The following SLC35D3 variants were observed in gnomAD, a reference collection of about 807,000 sequenced individuals.
SLC35D3 encodes frc, fringe-like 1.
A neutral mutation model predicts 20.3 loss-of-function variants in SLC35D3; 18 were observed. The observed-to-expected ratio is 0.89, with a 90% CI of 0.61 to 1.32. The LOEUF (loss-of-function observed/expected upper bound fraction) is 1.32, where lower values mean the gene tolerates loss of function less well. SLC35D3 is among the 40% of genes most tolerant of loss of function. SLC35D3 has a pLI of 0.00. For synonymous variants in SLC35D3, 313 were observed against 263.5 expected (o/e 1.19, Z -1.82); for missense variants, 556 against 565.5 (o/e 0.98, Z 0.17).
In SLC35D3 at chr6:136,924,359, C is replaced by T. The variant is rs776588205; in HGVS notation, c.914C>T (p.Thr305Ile). ...IIYCVAKFME[T>I]RKQSNYEDLE... ...TACTGTGTGGCCAAGTTCATGGAGA[C>T]CAGAAAGCAAAGCAACTACGAGGAC... The change falls in exon 2 of 2, where the codon ACC (threonine) becomes ATC (isoleucine). Residue 305 changes from threonine to isoleucine, a missense_variant. Transcript: ENST00000331858. 4 of 1,613,964 alleles carry T rather than the reference C, an allele frequency of 2.5e-6. No homozygotes were observed. Among genetic ancestry groups the T allele is most frequent in the Non-Finnish European group, 3.4e-6 (4 of 1,180,040 alleles).
chr6:136,923,122 G>T lies in SLC35D3; in HGVS notation c.439+255G>T, dbSNP rs1231089102. ...CCGACCCTCGCCCATGCTTCACCCG[G>T]CATCGCCCTTCCTGTCGCCCCCTCT... On this transcript the variant is annotated intron_variant, in intron 1 of 1. Transcript: ENST00000331858. The surrounding 1 kb of genome is among the most constrained non-coding windows in gnomAD (Gnocchi z 6.2). Among the ~76,000 whole-genome samples, 2 of 152,118 alleles carry T rather than the reference G, an allele frequency of 1.3e-5. No homozygotes were observed. The highest frequency in any genetic ancestry group is 4.8e-5 in the African/African-American group (2 of 41,424).
Position 136,923,936 on chromosome 6 carries a change from C to G in SLC35D3, c.491C>G (p.Ala164Gly). The G allele has an allele frequency of 6.5e-7, 1 of 1,544,374 alleles. No individual in the cohort carries two copies. The change falls in exon 2 of 2, where the codon GCG becomes GGG. Residue 164 changes from alanine (A) to glycine (G), a missense_variant. Transcript: ENST00000331858. This position sits in a 1 kb window ranked among gnomAD's most constrained non-coding sequence, Gnocchi z 6.2. ...DPIGYVTGVL[A>G]VLVHAAYLVL... ...ATCGGGTACGTCACGGGAGTGCTGGCGGTGCTGGTGCACGCTGCCTACCTG... is the reference window on the plus strand; with the variant it reads ...ATCGGGTACGTCACGGGAGTGCTGGGGGTGCTGGTGCACGCTGCCTACCTG...
Position 136,924,457 on chromosome 6 carries a change from C to T in SLC35D3, c.1012C>T (p.Pro338Ser), listed in dbSNP as rs753343993. The part of the protein sequence containing the change: ...DQLPFVMEEL[P>S]GEGGNGRSEG... ...GCTGCCGTTCGTGATGGAGGAGCTG[C>T]CCGGGGAGGGAGGAAATGGCCGGTC... The change falls in exon 2 of 2, where the codon CCC becomes TCC. Residue 338 changes from proline to serine, a missense_variant. By Grantham distance (74) the Pro-to-Ser change is moderately conservative (BLOSUM62 -1). Transcript: ENST00000331858. 6.2e-7 allele frequency: 1 copy of T among 1,613,698 alleles called. No homozygotes were observed. The highest frequency in any genetic ancestry group is 1.1e-5 in the South Asian group (1 of 91,052).
rs1776087765 is a variant in SLC35D3 at position 136,923,340 on chromosome 6, G to A, written c.439+473G>A. Among the ~76,000 whole-genome samples the A allele has an allele frequency of 1.3e-5, 2 of 152,178 alleles. No homozygotes were observed. Among genetic ancestry groups the A allele is most frequent in the African/African-American group, 2.4e-5 (1 of 41,428 alleles). On this transcript the variant is annotated intron_variant, in intron 1 of 1. Coordinates refer to ENST00000331858, the MANE Select transcript of SLC35D3 (RefSeq NM_001008783.3). This position sits in a 1 kb window ranked among gnomAD's most constrained non-coding sequence, Gnocchi z 6.2. ...TCCCGGGGCTACTGCGGGGTGTCTC[G>A]TGCTGCGCAGGGGGCTGCGGCCCTG...
Position 136,922,644 on chromosome 6 carries a change from G to A in SLC35D3, c.216G>A (p.Leu72=). 2 of 1,609,392 alleles carry A rather than the reference G, an allele frequency of 1.2e-6. No individual in the cohort carries two copies. Among genetic ancestry groups the A allele is most frequent in the Non-Finnish European group, 1.7e-6 (2 of 1,179,382 alleles). The stretch of plus-strand genomic sequence containing the variant: ...TCATCGCCGTGCCCCCCTTCGGTCT[G>A]AGCCTGGCGCGCTCCTTCGCGGGGG... ...LGLIAVPPFG[L]SLARSFAGVA... Residue 72 remains leucine (L), a synonymous_variant, in exon 1 of 2, where the codon CTG becomes CTA. Transcript: ENST00000331858. This position sits in a 1 kb window ranked among gnomAD's most constrained non-coding sequence, Gnocchi z 6.8.
Position 136,925,434 on chromosome 6 carries a change from A to G in SLC35D3, c.*738A>G, listed in dbSNP as rs995116694. 1.3e-5 allele frequency: 2 copies of G among 152,458 alleles called. No individual in the cohort carries two copies. The highest frequency in any genetic ancestry group is 4.8e-5 in the African/African-American group (2 of 41,430). The allele number at this position is 152,458 out of a possible 1,614,324, so 9.4% of individuals were successfully genotyped here. A position where few individuals can be genotyped will look rare whatever the true frequency, so the allele number is the denominator to read the frequency against. On this transcript the variant is annotated 3_prime_UTR_variant, in exon 2 of 2. Coordinates refer to ENST00000331858, the MANE Select transcript of SLC35D3 (RefSeq NM_001008783.3). Reference sequence around the variant, plus strand: ...CCTGTTCTTTTTTTTACTGTGTCCAATATTCTTTCAAGCAAATGCAATGGC... The same window carrying G: ...CCTGTTCTTTTTTTTACTGTGTCCAGTATTCTTTCAAGCAAATGCAATGGC...
chr6:136,922,902 C>T lies in SLC35D3; in HGVS notation c.439+35C>T. 6.7e-7 allele frequency: 1 copy of T among 1,488,746 alleles called. No homozygotes were observed. The highest frequency in any genetic ancestry group is 8.9e-7 in the Non-Finnish European group (1 of 1,127,112). The allele number at this position is 1,488,746 out of a possible 1,614,324, so 92.2% of individuals were successfully genotyped here. A position where few individuals can be genotyped will look rare whatever the true frequency, so the allele number is the denominator to read the frequency against. ...CCCCCGCGCCGACCCCCAGCCGACCCCACCCACCCCGCTCCGTCGGGCAGA... is the reference window on the plus strand; with the variant it reads ...CCCCCGCGCCGACCCCCAGCCGACCTCACCCACCCCGCTCCGTCGGGCAGA... On this transcript the variant is annotated intron_variant, in intron 1 of 1. Coordinates refer to ENST00000331858, the MANE Select transcript of SLC35D3 (RefSeq NM_001008783.3). This position sits in a 1 kb window ranked among gnomAD's most constrained non-coding sequence, Gnocchi z 6.8.
At position 136,923,757 on chromosome 6, in the gene SLC35D3, TG is replaced by T; in HGVS notation, c.440-124del. Reference sequence around the variant, plus strand: ...CACTCAGGAATCCGGTGGGCAGAGCTGGGGCGCGAACCCAGTCTCCTTTCCT... The same window carrying T: ...CACTCAGGAATCCGGTGGGCAGAGCTGGGCGCGAACCCAGTCTCCTTTCCT... On this transcript the variant is annotated intron_variant, in intron 1 of 1. Transcript: ENST00000331858. The surrounding 1 kb of genome is among the most constrained non-coding windows in gnomAD (Gnocchi z 6.2). 1.1e-6 allele frequency: 1 copy of T among 897,776 alleles called. No individual in the cohort carries two copies. The highest frequency in any genetic ancestry group is 1.6e-6 in the Non-Finnish European group (1 of 609,790). 55.6% of individuals were successfully genotyped at this position (897,776 alleles called of 1,614,324 possible).
chr6:136,922,501 C>T lies in SLC35D3; in HGVS notation c.73C>T (p.Leu25Phe). 6.2e-7 allele frequency: 1 copy of T among 1,611,688 alleles called. No individual in the cohort carries two copies. The highest frequency in any genetic ancestry group is 1.1e-5 in the South Asian group (1 of 90,818). ...CGCGCACGGGGTCTTCTCGGGCTCC[C>T]TCAACATCTTGCTCAAGTTCCTCAT... Reference protein sequence around the residue: ...AIAHGVFSGSLNILLKFLISR... With the variant: ...AIAHGVFSGSFNILLKFLISR... The change falls in exon 1 of 2, where the codon CTC (leucine) becomes TTC (phenylalanine). Residue 25 changes from leucine (L) to phenylalanine (F), a missense_variant. Leu to Phe is a conservative substitution (Grantham distance 22). Coordinates refer to ENST00000331858, the MANE Select transcript of SLC35D3 (RefSeq NM_001008783.3). This position sits in a 1 kb window ranked among gnomAD's most constrained non-coding sequence, Gnocchi z 6.8.
Position 136,923,787 on chromosome 6 carries a change from C to A in SLC35D3, c.440-98C>A. On this transcript the variant is annotated intron_variant, in intron 1 of 1. Coordinates refer to ENST00000331858, the MANE Select transcript of SLC35D3 (RefSeq NM_001008783.3). The surrounding 1 kb of genome is among the most constrained non-coding windows in gnomAD (Gnocchi z 6.2). ...CGCGAACCCAGTCTCCTTTCCTACC[C>A]GACGCGTTTTCCCCGTGGGTCCCCG... 2 of 1,195,990 alleles carry A rather than the reference C, an allele frequency of 1.7e-6. No homozygotes were observed. The highest frequency in any genetic ancestry group is 2.3e-6 in the Non-Finnish European group (2 of 880,168). 74.1% of individuals were successfully genotyped at this position (1,195,990 alleles called of 1,614,324 possible). A position where few individuals can be genotyped will look rare whatever the true frequency, so the allele number is the denominator to read the frequency against.
In SLC35D3 at chr6:136,924,099, G is replaced by C. The variant is rs759667824; in HGVS notation, c.654G>C (p.Pro218=). The change falls in exon 2 of 2, where the codon CCG becomes CCC. Residue 218 remains proline (P), a synonymous_variant. Coordinates refer to ENST00000331858, the MANE Select transcript of SLC35D3 (RefSeq NM_001008783.3). ...STDSIHAWTF[P]GWKDPAMVCI... Reference sequence around the variant, plus strand: ...ACTCCATCCACGCCTGGACCTTCCCGGGCTGGAAGGACCCGGCCATGGTCT... The same window carrying C: ...ACTCCATCCACGCCTGGACCTTCCCCGGCTGGAAGGACCCGGCCATGGTCT... 3.1e-6 allele frequency: 5 copies of C among 1,612,272 alleles called. No individual in the cohort carries two copies. The African/African-American group carries it at 5.3e-5, about 17-fold the overall frequency.
chr6:136,922,795 C>A lies in SLC35D3; in HGVS notation c.367C>A (p.Leu123Ile). 6.4e-7 allele frequency: 1 copy of A among 1,563,560 alleles called. No homozygotes were observed. The highest frequency in any genetic ancestry group is 1.9e-5 in the Admixed American group (1 of 52,536). Residue 123 changes from leucine to isoleucine, a missense_variant, in exon 1 of 2, where the codon CTC (leucine) becomes ATC (isoleucine). Physicochemically the swap from Leu to Ile is conservative, Grantham distance 5 (BLOSUM62 2). Transcript: ENST00000331858. This position sits in a 1 kb window ranked among gnomAD's most constrained non-coding sequence, Gnocchi z 6.8. ...CACCATGCTCATCGGCGTCCTGGTG[C>A]TCAAGAACGGCGCGCCCTCGCCAGG... ...LVTMLIGVLV[L>I]KNGAPSPGVL...
Position 136,923,990 on chromosome 6 carries a change from C to A in SLC35D3, c.545C>A (p.Thr182Asn). ...LVLIQKASAD[T>N]EHGPLTAQYV... The stretch of plus-strand genomic sequence containing the variant: ...CTCATCCAGAAGGCCAGCGCAGACA[C>A]CGAGCACGGGCCGCTCACCGCGCAG... The change falls in exon 2 of 2, where the codon ACC becomes AAC. Residue 182 changes from threonine (T) to asparagine (N), a missense_variant. Physicochemically the swap from Thr to Asn is moderately conservative, Grantham distance 65 (BLOSUM62 0). Coordinates refer to ENST00000331858, the MANE Select transcript of SLC35D3 (RefSeq NM_001008783.3). The surrounding 1 kb of genome is among the most constrained non-coding windows in gnomAD (Gnocchi z 6.2). 1 of 1,588,312 alleles carries A rather than the reference C, an allele frequency of 6.3e-7. No homozygotes were observed. The highest frequency in any genetic ancestry group is 2.3e-5 in the East Asian group (1 of 43,488).
At position 136,923,886 on chromosome 6, in the gene SLC35D3, A is replaced by G; in HGVS notation, c.441A>G (p.Gly147=). 6.6e-7 allele frequency: 1 copy of G among 1,507,736 alleles called. No homozygotes were observed. The highest frequency in any genetic ancestry group is 8.9e-7 in the Non-Finnish European group (1 of 1,126,620). The allele number at this position is 1,507,736 out of a possible 1,614,324, so 93.4% of individuals were successfully genotyped here. The change falls in exon 2 of 2, where the codon GGA becomes GGG. Residue 147 remains glycine (G), a splice_region_variant and synonymous_variant. Coordinates refer to ENST00000331858, the MANE Select transcript of SLC35D3 (RefSeq NM_001008783.3). The surrounding 1 kb of genome is among the most constrained non-coding windows in gnomAD (Gnocchi z 6.2). ...LITTCGAALA[G]AGDLTGDPIG... Reference sequence around the variant, plus strand: ...GGCCGTCCTCCTCGTGCGCCGCAGGAGCCGGCGACCTGACGGGCGACCCCA... The same window carrying G: ...GGCCGTCCTCCTCGTGCGCCGCAGGGGCCGGCGACCTGACGGGCGACCCCA...
In SLC35D3 at chr6:136,924,828, G is replaced by A. The variant is rs1776113251; in HGVS notation, c.*132G>A. 1.0e-6 allele frequency: 1 copy of A among 954,230 alleles called. No homozygotes were observed. Among genetic ancestry groups the A allele is most frequent in the Non-Finnish European group, 1.5e-6 (1 of 668,138 alleles). 59.1% of individuals were successfully genotyped at this position (954,230 alleles called of 1,614,324 possible). A position where few individuals can be genotyped will look rare whatever the true frequency, so the allele number is the denominator to read the frequency against. The stretch of plus-strand genomic sequence containing the variant: ...GGGAAGAAAAGAAAGAAGCTGAAAG[G>A]TACTGACACAGAGCAACAAAATTAG... On this transcript the variant is annotated 3_prime_UTR_variant, in exon 2 of 2. Transcript: ENST00000331858.
Position 136,924,694 on chromosome 6 carries a change from T to G in SLC35D3, c.1249T>G (p.Ter417GlyextTer17). 3 of 1,607,350 alleles carry G rather than the reference T, an allele frequency of 1.9e-6. No individual in the cohort carries two copies. The highest frequency in any genetic ancestry group is 2.6e-6 in the Non-Finnish European group (3 of 1,176,270). The change falls in exon 2 of 2, where the codon TGA becomes GGA. Residue 417 changes from the stop codon to glycine, a stop_lost. Transcript: ENST00000331858. ...AGAAAACGAGGAGTTACCCAGTCCTTGAGAAGGAGGTGCATGTACGTACCT... is the reference window on the plus strand; with the variant it reads ...AGAAAACGAGGAGTTACCCAGTCCTGGAGAAGGAGGTGCATGTACGTACCT... ...LIENEELPSP[*>G]
rs968389370 is a variant in SLC35D3, at chr6:136,922,367, C to T, written c.-62C>T. The stretch of plus-strand genomic sequence containing the variant: ...CCCCCGCCGCCCTCACTCCGCTGCT[C>T]CCGGCTCCTCGCGCGCAGGTCGCGG... On this transcript the variant is annotated 5_prime_UTR_variant, in exon 1 of 2. Coordinates refer to ENST00000331858, the MANE Select transcript of SLC35D3 (RefSeq NM_001008783.3). The surrounding 1 kb of genome is among the most constrained non-coding windows in gnomAD (Gnocchi z 6.8). 7.3e-7 allele frequency: 1 copy of T among 1,362,836 alleles called. No homozygotes were observed. The highest frequency in any genetic ancestry group is 1.5e-5 in the African/African-American group (1 of 64,738). 84.4% of individuals were successfully genotyped at this position (1,362,836 alleles called of 1,614,324 possible). A position where few individuals can be genotyped will look rare whatever the true frequency, so the allele number is the denominator to read the frequency against.
At position 136,922,768 on chromosome 6, in the gene SLC35D3, G is replaced by A. The variant is rs781026348; in HGVS notation, c.340G>A (p.Val114Ile). 2.6e-6 allele frequency: 4 copies of A among 1,566,886 alleles called. No homozygotes were observed. The highest frequency in any genetic ancestry group is 1.2e-5 in the South Asian group (1 of 85,458). The change falls in exon 1 of 2, where the codon GTC becomes ATC. Residue 114 changes from valine to isoleucine, a missense_variant. Transcript: ENST00000331858. The surrounding 1 kb of genome is among the most constrained non-coding windows in gnomAD (Gnocchi z 6.8). ...YVVFKRCLPLVTMLIGVLVLK... is the reference protein window; with the variant it reads ...YVVFKRCLPLITMLIGVLVLK... ...GGTCTTCAAGCGCTGCCTGCCCCTG[G>A]TCACCATGCTCATCGGCGTCCTGGT...
Position 136,924,650 on chromosome 6 carries a change from TGAA to T in SLC35D3, c.1210_1212del (p.Lys404del), listed in dbSNP as rs754901014. 9.3e-6 allele frequency: 15 copies of T among 1,613,802 alleles called. No homozygotes were observed. Among genetic ancestry groups the T allele is most frequent in the Admixed American group, 5.0e-5 (3 of 60,002 alleles). ...AGGTTGGTTAGGGGAACCAGGTATA[TGAA>T]GAAGGATTATTTGATAGAAAACGAG... On this transcript the variant is annotated inframe_deletion, in exon 2 of 2. Transcript: ENST00000331858.
Sources: allele counts gnomAD v4.1 joint callset (sites outside exome capture counted in the v4.1 genomes callset), GRCh38; gene constraint gnomAD v4.1.1; non-coding constraint Gnocchi (gnomAD v3.1); transcripts MANE v1.5; gene names NCBI Gene and HGNC (gene_info 2026-07-23, HGNC 2026-07-21).